The following NUDC variants were observed in gnomAD, a reference collection of about 807,000 sequenced individuals.
NUDC encodes the protein nuclear migration protein nudC.
Under a neutral mutation model 45.0 loss-of-function variants are expected in NUDC, and 14 were observed. The ratio of observed to expected loss-of-function variants is 0.31; its 90% CI spans 0.21 to 0.49. The LOEUF (loss-of-function observed/expected upper bound fraction) is 0.49. Ranked by LOEUF, NUDC falls within the 20% of genes least tolerant of loss-of-function variation. The pLI is 0.99. For synonymous variants in NUDC, 153 were observed against 156.7 expected, an observed-to-expected ratio of 0.98 and a Z score of 0.17; for missense variants, 323 against 426.2, an observed-to-expected ratio of 0.76 and a Z score of 2.13.
At chr1:26,935,121 A>C (rs972914875) in intron 2 of NUDC, among the ~76,000 whole-genome samples, 1 of 151,962 alleles carries the variant, frequency 6.6e-6, no homozygotes, top group Non-Finnish European at 1.5e-5. Flanking sequence ...AGCTGGGATT[A>C]CAGGTGCCTG....
At chr1:26,912,174 A>C in intron 3 of NUDC, 1 of 1,535,850 alleles carries the variant, frequency 6.5e-7, no homozygotes, top group South Asian at 1.2e-5. Flanking sequence ...GGGCCATCAG[A>C]GACACCCCTC....
exon 2 of NUDC, chr1:26,902,366 G>A (rs1410378719): frequency 6.6e-6 from 1 of 152,168 alleles, no homozygotes; most frequent in African/African-American, 2.4e-5. Flanking sequence ...CTGGCTTCAA[G>A]GTAAAGCATT....
chr1:26,915,785 G>A (rs974917783), intron 3 of NUDC, among the ~76,000 whole-genome samples: 2 of 152,148 alleles, frequency 1.3e-5, no homozygotes, highest in Non-Finnish European at 2.9e-5. Context: ...TTCCTCTGTG[G>A]AGCTGAGCAC....
rs375223621 is a variant in NUDC at position 26,913,730 on chromosome 1, T to C, written c.93+2495T>C. On this transcript the variant is annotated intron_variant, in intron 3 of 6. Coordinates refer to the NUDC transcript ENST00000435827. ...AGCTGCCAGAAGGATGGCAGGTTCC[T>C]GAGGAAGGCCACTGTCTTGGCCAGA... 2.9e-5 allele frequency: 47 copies of C among 1,605,604 alleles called. 1 individual carries two copies. The Middle Eastern group carries it at 5.0e-4, about 17-fold the overall frequency.
chr1:26,945,825 T>C lies in NUDC; in HGVS notation c.944+139T>C, dbSNP rs116839404. 5.6e-3 allele frequency: 4,515 copies of C among 801,266 alleles called. 135 individuals are homozygous for C. The African/African-American group carries it at 0.063, about 11-fold the overall frequency. The allele number at this position is 801,266 out of a possible 1,614,324, so 49.6% of individuals were successfully genotyped here. On this transcript the variant is annotated intron_variant, in intron 8 of 8. Coordinates refer to ENST00000321265, the MANE Select transcript of NUDC (RefSeq NM_006600.4). ...AGCCATGTTTATGGCTTTATGGCTT[T>C]GGCTTGCCTACTCTTGTCATTTGCT...
chr1:26,917,792 A>G (rs555431103), upstream of NUDC, among the ~76,000 whole-genome samples: 1 of 152,064 alleles, frequency 6.6e-6, no homozygotes, highest in Non-Finnish European at 1.5e-5. Context: ...AGGCTGAGGC[A>G]GGAGAATCGC....
intron 2 of NUDC, among the ~76,000 whole-genome samples, chr1:26,940,103 T>C (rs1461181312): frequency 6.6e-6 from 1 of 152,178 alleles, no homozygotes; most frequent in Non-Finnish European, 1.5e-5. Flanking sequence ...GATAGCTTGC[T>C]TGCTGGAGAG....
At chr1:26,911,936 G>A (rs746783997) in intron 3 of NUDC, 10 of 1,614,112 alleles carry the variant, frequency 6.2e-6, no homozygotes, top group African/African-American at 2.7e-5. Flanking sequence ...CAGGCTGGTC[G>A]GAATGGACTT....
intron 6 of NUDC, among the ~76,000 whole-genome samples, chr1:26,944,137 G>A (rs548247683): frequency 7.7e-4 from 116 of 151,448 alleles, no homozygotes; most frequent in African/African-American, 2.7e-3. Flanking sequence ...CTTGTGATCC[G>A]CCCACCTCGG....
chr1:26,936,838 C>T (rs2124128234), intron 2 of NUDC, among the ~76,000 whole-genome samples: 1 of 152,246 alleles, frequency 6.6e-6, no homozygotes, highest in Middle Eastern at 3.4e-3. Context: ...CACTCGACGA[C>T]CAGTTCTCCA....
At chr1:26,938,775 G>T (rs951003609) in intron 2 of NUDC, among the ~76,000 whole-genome samples, 11 of 152,168 alleles carry the variant, frequency 7.2e-5, no homozygotes, top group African/African-American at 2.4e-4. Flanking sequence ...AGGGTTTATT[G>T]ACCACTGATC....
In NUDC at chr1:26,941,471, T is replaced by G; in HGVS notation, c.174T>G (p.Thr58=). ...EGMAEKLITQ[T]FSHHNQLAQK... ...TCCCTCTCCAGCTTATCACACAGACTTTCAGCCACCACAATCAGCTGGCAC... is the reference window on the plus strand; with the variant it reads ...TCCCTCTCCAGCTTATCACACAGACGTTCAGCCACCACAATCAGCTGGCAC... The change falls in exon 3 of 9, where the codon ACT becomes ACG. Residue 58 remains threonine (T), a synonymous_variant. Coordinates refer to ENST00000321265, the MANE Select transcript of NUDC (RefSeq NM_006600.4). 6 of 1,613,928 alleles carry G rather than the reference T, an allele frequency of 3.7e-6. No individual in the cohort carries two copies. The highest frequency in any genetic ancestry group is 1.3e-5 in the African/African-American group (1 of 75,024).
At chr1:26,906,545 C>G (rs1268931109) in intron 2 of NUDC, among the ~76,000 whole-genome samples, 2 of 151,968 alleles carry the variant, frequency 1.3e-5, no homozygotes, top group Non-Finnish European at 2.9e-5. Context: ...GTTTAGAGCA[C>G]AGCTCTCAAT....
intron 2 of NUDC, among the ~76,000 whole-genome samples, chr1:26,932,481 C>T (rs909422219): frequency 2.0e-5 from 3 of 151,636 alleles, no homozygotes; most frequent in Non-Finnish European, 2.9e-5. Context: ...GCCCGGCCCC[C>T]AGCTAATTTT....
At chr1:26,925,463 C>T (rs2082123715) in intron 2 of NUDC, among the ~76,000 whole-genome samples, 1 of 146,886 alleles carries the variant, frequency 6.8e-6, no homozygotes, top group South Asian at 2.2e-4. Context: ...TGGCGTGAAC[C>T]CCGGGGGGCG....
intron 6 of NUDC, 43 bp downstream of exon 6, chr1:26,943,108 G>A: frequency 6.3e-7 from 1 of 1,599,208 alleles, no homozygotes; most frequent in Non-Finnish European, 8.6e-7. Flanking sequence ...GTTGATGGAA[G>A]TAGAAGGGAG....
chr1:26,944,027 G>A (rs1018498513), intron 6 of NUDC, among the ~76,000 whole-genome samples: 1 of 151,064 alleles, frequency 6.6e-6, no homozygotes, highest in Admixed American at 6.6e-5. Flanking sequence ...ACAGGCGCCC[G>A]CCACCATGCC....
intron 3 of NUDC, among the ~76,000 whole-genome samples, chr1:26,915,161 A>G (rs1361257168): frequency 6.6e-6 from 1 of 151,660 alleles, no homozygotes; most frequent in Non-Finnish European, 1.5e-5. Context: ...TCCTAAGGCT[A>G]GATTCTTACT....
At chr1:26,908,205 A>T (rs1300089184) in intron 2 of NUDC, among the ~76,000 whole-genome samples, 3 of 151,762 alleles carry the variant, frequency 2.0e-5, no homozygotes, top group Non-Finnish European at 4.4e-5. Flanking sequence ...CTTAGCACAG[A>T]CAGTGATCAG....
Sources: allele counts gnomAD v4.1 joint callset (sites outside exome capture counted in the v4.1 genomes callset), GRCh38; gene constraint gnomAD v4.1.1; transcripts MANE v1.5; gene names NCBI Gene and HGNC (gene_info 2026-07-23, HGNC 2026-07-21).